ROBO1: variants seen among roughly 807,000 people sequenced by gnomAD.
ROBO1 encodes the protein roundabout guidance receptor 1, also known as roundabout homolog 1.
Under a neutral mutation model 195.9 loss-of-function variants are expected in ROBO1, and 149 were observed. The observed-to-expected ratio is 0.76, with a 90% CI of 0.67 to 0.87. The LOEUF (loss-of-function observed/expected upper bound fraction) is 0.87, where lower values mean the gene tolerates loss of function less well. Among genes scored for constraint, ROBO1 ranks in the 40% least tolerant of loss-of-function variants. The pLI is 0.00. For synonymous variants in ROBO1, 816 were observed against 733.2 expected, an observed-to-expected ratio of 1.11 and a Z score of -1.82; for missense variants, 1,933 against 2,068.3, an observed-to-expected ratio of 0.93 and a Z score of 1.27.
intron 4 of ROBO1, among the ~76,000 whole-genome samples, chr3:78,797,627 C>A (rs1576184010): frequency 6.6e-6 from 1 of 152,118 alleles, no homozygotes; most frequent in East Asian, 1.9e-4. Flanking sequence ...TTTCAATAAG[C>A]AGAGGGTTTT....
intron 2 of ROBO1, among the ~76,000 whole-genome samples, chr3:79,178,425 GCT>G (rs2081290191): frequency 1.3e-5 from 2 of 152,228 alleles, no homozygotes; most frequent in African/African-American, 4.8e-5. Context: ...AGTACCCTGG[GCT>G]CTTTTTCCTC....
chr3:79,208,391 C>G (rs759002464), intron 2 of ROBO1, among the ~76,000 whole-genome samples: 3 of 152,176 alleles, frequency 2.0e-5, no homozygotes, highest in Non-Finnish European at 4.4e-5. Context: ...AAGCAGTGGG[C>G]ACTGCCATCA....
chr3:78,823,244 C>T (rs774687072), intron 4 of ROBO1, among the ~76,000 whole-genome samples: 16 of 149,060 alleles, frequency 1.1e-4, no homozygotes, highest in Admixed American at 8.0e-4. Context: ...CTCTTCATCA[C>T]ATTTTCCCAT....
At chr3:79,687,920 T>G (rs1947177776) in intron 1 of ROBO1, among the ~76,000 whole-genome samples, 2 of 152,044 alleles carry the variant, frequency 1.3e-5, no homozygotes, top group African/African-American at 4.8e-5. Flanking sequence ...CATACGCACA[T>G]GTATGTTTCT....
chr3:78,784,679 C>T (rs1210344697), intron 4 of ROBO1, among the ~76,000 whole-genome samples: 1 of 151,936 alleles, frequency 6.6e-6, no homozygotes, highest in Non-Finnish European at 1.5e-5. Flanking sequence ...TTTTATTTGT[C>T]CAAAGAATAG....
intron 3 of ROBO1, among the ~76,000 whole-genome samples, chr3:78,941,219 A>G (rs1163053117): frequency 2.6e-5 from 4 of 152,214 alleles, no homozygotes; most frequent in African/African-American, 9.6e-5. Flanking sequence ...GTGCACGTAT[A>G]CAGCATGGTA....
intron 2 of ROBO1, among the ~76,000 whole-genome samples, chr3:79,534,153 A>G (rs1020399372): frequency 1.9e-4 from 19 of 98,656 alleles, no homozygotes; most frequent in African/African-American, 6.2e-4. Context: ...GAAGGCAAAA[A>G]AAAAAAAAAA....
chr3:79,044,126 T>A (rs1442619738), intron 3 of ROBO1, among the ~76,000 whole-genome samples: 2 of 140,098 alleles, frequency 1.4e-5, no homozygotes, highest in African/African-American at 2.6e-5. Context: ...GTTGATGAGC[T>A]AAAAAAAAAA....
At chr3:79,572,261 T>C (rs1313390579) in intron 2 of ROBO1, among the ~76,000 whole-genome samples, 1 of 152,006 alleles carries the variant, frequency 6.6e-6, no homozygotes, top group Non-Finnish European at 1.5e-5. Flanking sequence ...AGAATAAATA[T>C]TCAAAATTCA....
At chr3:78,641,855 T>C (rs1484730619) in intron 21 of ROBO1, among the ~76,000 whole-genome samples, 4 of 152,226 alleles carry the variant, frequency 2.6e-5, no homozygotes, top group African/African-American at 7.2e-5. Flanking sequence ...TTCATATATA[T>C]GAGTGATTTC....
At chr3:78,605,308 G>T (rs1271174483) in intron 29 of ROBO1, among the ~76,000 whole-genome samples, 1 of 152,026 alleles carries the variant, frequency 6.6e-6, no homozygotes, top group Non-Finnish European at 1.5e-5. Context: ...TGATTATCTT[G>T]ATTATCTGCC....
intron 2 of ROBO1, among the ~76,000 whole-genome samples, chr3:79,145,037 T>C (rs1388309710): frequency 6.6e-6 from 1 of 152,022 alleles, no homozygotes; most frequent in South Asian, 2.1e-4. Context: ...ATTGCTCTTG[T>C]ACATCCTATT....
At chr3:79,128,370 G>C (rs1052918581) in intron 2 of ROBO1, among the ~76,000 whole-genome samples, 1 of 152,064 alleles carries the variant, frequency 6.6e-6, no homozygotes, top group African/African-American at 2.4e-5. Context: ...CAGGTATTCT[G>C]TCTGCTTCTC....
intron 2 of ROBO1, among the ~76,000 whole-genome samples, chr3:79,412,471 T>C (rs897908442): frequency 2.0e-5 from 3 of 152,156 alleles, no homozygotes; most frequent in Admixed American, 6.6e-5. Flanking sequence ...GAATATTTAA[T>C]TTTGGCACTG....
chr3:79,377,384 A>G (rs2036422642), intron 2 of ROBO1, among the ~76,000 whole-genome samples: 1 of 152,188 alleles, frequency 6.6e-6, no homozygotes, highest in African/African-American at 2.4e-5. Flanking sequence ...ATCCTGCCAA[A>G]TATCTTTGAG....
At chr3:78,623,972 T>C (rs1704606301) in intron 26 of ROBO1, among the ~76,000 whole-genome samples, 1 of 152,120 alleles carries the variant, frequency 6.6e-6, no homozygotes, top group Non-Finnish European at 1.5e-5. Context: ...GGAGACTTCA[T>C]TCAAATACTT....
chr3:78,881,910 T>C (rs1261394346), intron 4 of ROBO1, among the ~76,000 whole-genome samples: 2 of 152,128 alleles, frequency 1.3e-5, no homozygotes, highest in Non-Finnish European at 1.5e-5. Flanking sequence ...TGGAAAAAAA[T>C]ACATAGAGGT....
At chr3:79,199,340 A>G (rs2081715096) in intron 2 of ROBO1, among the ~76,000 whole-genome samples, 1 of 151,834 alleles carries the variant, frequency 6.6e-6, no homozygotes, top group African/African-American at 2.4e-5. Context: ...GACATTTCTA[A>G]GAAGAGAAAT....
chr3:79,572,639 A>G (rs1310365429), intron 2 of ROBO1, among the ~76,000 whole-genome samples: 2 of 152,164 alleles, frequency 1.3e-5, no homozygotes, highest in Non-Finnish European at 2.9e-5. Context: ...ATTTTATGAC[A>G]TATGTAGATT....
Sources: allele counts gnomAD v4.1 joint callset (sites outside exome capture counted in the v4.1 genomes callset), GRCh38; gene constraint gnomAD v4.1.1; transcripts MANE v1.5; gene names NCBI Gene and HGNC (gene_info 2026-07-23, HGNC 2026-07-21).